TENM3: variants seen among roughly 807,000 people sequenced by gnomAD.
The protein encoded by TENM3 is teneurin-3.
TENM3 carries 63 observed loss-of-function variants against 255.1 expected under a neutral mutation model. The observed-to-expected ratio is 0.25, with a 90% CI of 0.20 to 0.30. The LOEUF (loss-of-function observed/expected upper bound fraction) is 0.30. TENM3 is among the 10% of genes least tolerant of loss of function. The probability of loss-of-function intolerance (pLI) is 1.00; values close to 1 mark genes in which losing one functional copy is unlikely to be tolerated. For missense variants in TENM3, 2,929 were observed against 3,461.1 expected (o/e 0.85, Z 3.86); for synonymous variants, 1,306 against 1,322.3 (o/e 0.99, Z 0.27).
chr4:181,486,291 G>A, the TENM3 span, among the ~76,000 whole-genome samples: 2 of 152,124 alleles, frequency 1.3e-5, no homozygotes, highest in African/African-American at 4.8e-5. Context: ...CTCTCAGAGT[G>A]GCCTCCGCTG....
At chr4:182,635,888 C>T (rs1751802154) in intron 5 of TENM3, among the ~76,000 whole-genome samples, 1 of 152,256 alleles carries the variant, frequency 6.6e-6, no homozygotes, top group South Asian at 2.1e-4. Flanking sequence ...ATGGTAGTAG[C>T]TATATATGTG....
At chr4:181,656,109 G>T in the TENM3 span, among the ~76,000 whole-genome samples, 1 of 152,082 alleles carries the variant, frequency 6.6e-6, no homozygotes, top group Non-Finnish European at 1.5e-5. Context: ...GTGAGCAAAG[G>T]CCCAGTCATT....
At chr4:182,174,978 A>T (rs1752365544) in intron 1 of TENM3, among the ~76,000 whole-genome samples, 2 of 152,062 alleles carry the variant, frequency 1.3e-5, no homozygotes, top group Non-Finnish European at 2.9e-5. Context: ...TCTAGGAAAA[A>T]AAATCCTTTA....
the TENM3 span, among the ~76,000 whole-genome samples, chr4:181,931,374 GACAA>G: frequency 5.3e-5 from 8 of 152,244 alleles, no homozygotes; most frequent in African/African-American, 7.2e-5. Flanking sequence ...ACCAATTACA[GACAA>G]ACAGAGAGCC....
At chr4:182,648,183 T>A (rs1248112049) in intron 5 of TENM3, among the ~76,000 whole-genome samples, 1 of 152,204 alleles carries the variant, frequency 6.6e-6, no homozygotes, top group African/African-American at 2.4e-5. Flanking sequence ...AAGGAAAGGC[T>A]GCTAGCCTTA....
chr4:182,258,477 A>G (rs1317359771), intron 1 of TENM3, among the ~76,000 whole-genome samples: 1 of 152,170 alleles, frequency 6.6e-6, no homozygotes, highest in East Asian at 1.9e-4. Flanking sequence ...TAGGCATTCA[A>G]TGACCACCTA....
chr4:182,556,215 G>A (rs1217505581), intron 3 of TENM3, among the ~76,000 whole-genome samples: 4 of 152,178 alleles, frequency 2.6e-5, no homozygotes, highest in African/African-American at 4.8e-5. Context: ...CAATTTTACA[G>A]CACAAAAACT....
chr4:182,149,371 A>C (rs1400910553), intron 1 of TENM3, among the ~76,000 whole-genome samples: 1 of 152,000 alleles, frequency 6.6e-6, no homozygotes, highest in Non-Finnish European at 1.5e-5. Context: ...AATTGCAATA[A>C]AATTTTCTGT....
At chr4:182,696,591 GGT>G (rs1318711405) in intron 12 of TENM3, among the ~76,000 whole-genome samples, 4 of 152,078 alleles carry the variant, frequency 2.6e-5, no homozygotes, top group Admixed American at 2.6e-4. Context: ...TGGATGTGGT[GGT>G]GCACGCCTGT....
chr4:181,992,519 TG>T, the TENM3 span, among the ~76,000 whole-genome samples: 3 of 152,218 alleles, frequency 2.0e-5, no homozygotes, highest in Non-Finnish European at 4.4e-5. Context: ...TTTATCTTGT[TG>T]TTTCATTGGA....
chr4:182,031,766 A>G, the TENM3 span, among the ~76,000 whole-genome samples: 4 of 151,584 alleles, frequency 2.6e-5, no homozygotes, highest in East Asian at 5.8e-4. Flanking sequence ...GAGGTCCTTT[A>G]CCTCCCTTGT....
At chr4:182,199,125 G>C (rs935458175) in intron 1 of TENM3, among the ~76,000 whole-genome samples, 2 of 152,134 alleles carry the variant, frequency 1.3e-5, no homozygotes, top group African/African-American at 4.8e-5. Flanking sequence ...TACCGGTGTG[G>C]GGACTGAATG....
intron 3 of TENM3, among the ~76,000 whole-genome samples, chr4:182,550,913 T>G (rs1387079939): frequency 6.6e-6 from 1 of 152,110 alleles, no homozygotes; most frequent in Admixed American, 6.6e-5. Flanking sequence ...GGAGATGATT[T>G]AGTTTCTGTC....
At chr4:181,622,734 G>A in the TENM3 span, among the ~76,000 whole-genome samples, 1 of 152,088 alleles carries the variant, frequency 6.6e-6, no homozygotes, top group African/African-American at 2.4e-5. Flanking sequence ...GGGCTTCATT[G>A]AAATAGAACA....
At chr4:181,688,046 T>C in the TENM3 span, among the ~76,000 whole-genome samples, 1 of 152,184 alleles carries the variant, frequency 6.6e-6, no homozygotes, top group Non-Finnish European at 1.5e-5. Context: ...CTTATGTATG[T>C]GAGTTAATTT....
At chr4:182,149,497 T>C (rs1043193861) in intron 1 of TENM3, among the ~76,000 whole-genome samples, 4 of 152,042 alleles carry the variant, frequency 2.6e-5, no homozygotes, top group Non-Finnish European at 4.4e-5. Flanking sequence ...CACTGCAAAT[T>C]AATGTCAGTA....
chr4:181,952,514 A>G, the TENM3 span, among the ~76,000 whole-genome samples: 1 of 152,214 alleles, frequency 6.6e-6, no homozygotes, highest in Non-Finnish European at 1.5e-5. Flanking sequence ...GAATGAGGAG[A>G]CAAAATGTTG....
rs1366888050 is a variant in TENM3 at position 182,501,151 on chromosome 4, A to G, written c.512-99773A>G. ...ATTCTAGAAAAAGTTATATCAAACA[A>G]ATACTTGTCTTGCTTGGGTAGTAAG... On this transcript the variant is annotated intron_variant, in intron 3 of 27. Transcript: ENST00000511685. Among the ~76,000 whole-genome samples, 4 of 152,162 alleles carry G rather than the reference A, an allele frequency of 2.6e-5. No individual in the cohort carries two copies. The East Asian group carries it at 7.7e-4, about 29-fold the overall frequency.
intron 1 of TENM3, among the ~76,000 whole-genome samples, chr4:182,223,485 A>C (rs1209254231): frequency 1.3e-5 from 2 of 152,208 alleles, no homozygotes; most frequent in Non-Finnish European, 2.9e-5. Flanking sequence ...ATCAGTTGAT[A>C]ATAATATGAA....
Sources: allele counts gnomAD v4.1 joint callset (sites outside exome capture counted in the v4.1 genomes callset), GRCh38; gene constraint gnomAD v4.1.1; transcripts MANE v1.5; gene names NCBI Gene and HGNC (gene_info 2026-07-23, HGNC 2026-07-21).